The following CLEC12A variants were observed in gnomAD, a reference collection of about 807,000 sequenced individuals.
The protein encoded by CLEC12A is C-type lectin domain family 12 member A.
Under a neutral mutation model 26.5 loss-of-function variants are expected in CLEC12A, and 22 were observed. That is an observed-to-expected ratio of 0.83 (90% CI 0.59 to 1.19). The LOEUF (loss-of-function observed/expected upper bound fraction) is 1.19. Among genes scored for constraint, CLEC12A ranks in the 50% most tolerant of loss-of-function variants. The probability of loss-of-function intolerance (pLI) is 0.00; values close to 1 mark genes in which losing one functional copy is unlikely to be tolerated. For missense variants in CLEC12A, 353 were observed against 315.6 expected (o/e 1.12, Z -0.90); for synonymous variants, 119 against 101.9 (o/e 1.17, Z -1.01).
chr12:9,961,741 C>T (rs929269613), intron 1 of CLEC12A, among the ~76,000 whole-genome samples: 5 of 151,636 alleles, frequency 3.3e-5, no homozygotes, highest in African/African-American at 1.2e-4. Flanking sequence ...ATGAGACAAC[C>T]TAAAAAAAAA....
downstream of CLEC12A, among the ~76,000 whole-genome samples, chr12:9,987,544 A>G (rs1346793445): frequency 2.0e-5 from 3 of 152,216 alleles, no homozygotes; most frequent in African/African-American, 7.2e-5. Context: ...ACTAGTTCCC[A>G]TTCAGCATGT....
At chr12:10,006,131 G>A in the CLEC12A span, among the ~76,000 whole-genome samples, 1 of 152,216 alleles carries the variant, frequency 6.6e-6, no homozygotes, top group Non-Finnish European at 1.5e-5. Context: ...TCATGTGAGA[G>A]CAGCAAGAAT....
rs150418559 is a variant in CLEC12A at position 9,956,182 on chromosome 12, C to G, written c.10+4826C>G. On this transcript the variant is annotated intron_variant, in intron 1 of 6. Coordinates refer to the CLEC12A transcript ENST00000355690. ...ATTTTAAGAAAACCTTGTTCTAACC[C>G]AGGGGACTAATCTATATCTCTCTCC... is the stretch of plus-strand genomic sequence containing the variant. Among the ~76,000 whole-genome samples, 386 of 152,296 alleles carry G rather than the reference C, an allele frequency of 2.5e-3. 1 individual carries two copies. Among genetic ancestry groups the G allele is most frequent in the African/African-American group, 9.0e-3 (375 of 41,552 alleles).
intron 4 of CLEC12A, chr12:9,994,884 T>G: frequency 1.8e-5 from 14 of 790,180 alleles, no homozygotes; most frequent in Non-Finnish European, 2.2e-5. Flanking sequence ...CAGTGTTCCA[T>G]GGTAAGGTTG....
Position 9,965,172 on chromosome 12 carries a change from G to A in CLEC12A, c.11-6405G>A, listed in dbSNP as rs532424497. On this transcript the variant is annotated intron_variant, in intron 1 of 6. Transcript: ENST00000355690. ...GCAGCCACTGCATGCAGACATGAGG[G>A]CTAGGCTAAAATGGTAAGGTCAAGT... 6.6e-5 allele frequency among the ~76,000 whole-genome samples: 10 copies of A among 152,244 alleles called. No homozygotes were observed. In the East Asian group the frequency reaches 1.9e-3, roughly 29 times the overall value.
In CLEC12A at chr12:9,951,433, CA is replaced by C. The variant is rs1863607281; in HGVS notation, c.10+79del. Reference sequence around the variant, plus strand: ...GAAATTCTGAAGGAATTTCCATTGGCAAGTTCAGCAAGGCCAACTGACGGAG... The same window carrying C: ...GAAATTCTGAAGGAATTTCCATTGGCAGTTCAGCAAGGCCAACTGACGGAG... On this transcript the variant is annotated intron_variant, in intron 1 of 6. Transcript: ENST00000355690. 5.7e-6 allele frequency: 4 copies of C among 701,516 alleles called. No homozygotes were observed. In the African/African-American group the frequency reaches 7.0e-5, roughly 12 times the overall value. The allele number at this position is 701,516 out of a possible 1,614,324, so 43.5% of individuals were successfully genotyped here. A position where few individuals can be genotyped will look rare whatever the true frequency, so the allele number is the denominator to read the frequency against.
chr12:10,003,901 G>A, the CLEC12A span, among the ~76,000 whole-genome samples: 1 of 152,142 alleles, frequency 6.6e-6, no homozygotes, highest in East Asian at 1.9e-4. Flanking sequence ...GGGTGACAGA[G>A]CCAGACCATC....
At chr12:9,979,246 C>A in intron 2 of CLEC12A, 90 bp from the exon 3 acceptor site, 3 of 1,095,584 alleles carry the variant, frequency 2.7e-6, no homozygotes, top group South Asian at 1.4e-5. Flanking sequence ...CTTTCCCTAC[C>A]CCTTTAATCT....
chr12:9,968,309 G>T (rs1864014182), upstream of CLEC12A, among the ~76,000 whole-genome samples: 1 of 152,208 alleles, frequency 6.6e-6, no homozygotes, highest in African/African-American at 2.4e-5. Context: ...AACAGGCTTT[G>T]TGTGAGCAAC....
At chr12:9,989,646 TG>T (rs2137221911), downstream of CLEC12A, among the ~76,000 whole-genome samples, 1 of 152,294 alleles carries the variant, frequency 6.6e-6, no homozygotes, top group East Asian at 1.9e-4. Flanking sequence ...AACATAAAAA[TG>T]AAAGATGAAG....
chr12:9,990,773 A>G (rs1864873639), intron 4 of CLEC12A, among the ~76,000 whole-genome samples: 2 of 152,220 alleles, frequency 1.3e-5, no homozygotes, highest in African/African-American at 4.8e-5. Context: ...TAAAAATTTC[A>G]TAAAAGGAAG....
chr12:9,952,374 G>T (rs1359306131), intron 1 of CLEC12A, among the ~76,000 whole-genome samples: 2 of 150,750 alleles, frequency 1.3e-5, no homozygotes, highest in Non-Finnish European at 3.0e-5. Flanking sequence ...ACGGGGTTTC[G>T]CTGTGTTGGC....
Position 9,985,494 on chromosome 12 carries a change from T to C in CLEC12A, c.*468T>C, listed in dbSNP as rs1232924343. The C allele has an allele frequency of 5.0e-6, 2 of 398,842 alleles. No individual in the cohort carries two copies. The highest frequency in any genetic ancestry group is 8.8e-6 in the Non-Finnish European group (2 of 226,228). The allele number at this position is 398,842 out of a possible 1,614,324, so 24.7% of individuals were successfully genotyped here. On this transcript the variant is annotated 3_prime_UTR_variant, in exon 6 of 6. Transcript: ENST00000304361. ...TATGAGTCAAAGGACTTATAGCCAA[T>C]TGATTGTTCTAGGCCAGGTAAGAAT...
Position 9,980,743 on chromosome 12 carries a change from A to G in CLEC12A, c.531+10A>G. ...CAACAAAAATGCATTGGTAAAGCCC[A>G]GGTGTTTCTACCATCATGGGATAGA... On this transcript the variant is annotated intron_variant, in intron 4 of 5. Coordinates refer to ENST00000304361, the MANE Select transcript of CLEC12A (RefSeq NM_138337.6). 6.2e-7 allele frequency: 1 copy of G among 1,612,758 alleles called. No homozygotes were observed. Among genetic ancestry groups the G allele is most frequent in the East Asian group, 2.2e-5 (1 of 44,836 alleles).
At chr12:9,998,089 T>C (rs928401035), downstream of CLEC12A, among the ~76,000 whole-genome samples, 8 of 152,200 alleles carry the variant, frequency 5.3e-5, no homozygotes, top group African/African-American at 1.9e-4. Context: ...AGTTAAAATC[T>C]TAAAATCTTA....
At chr12:9,993,736 AT>A (rs1169588421) in intron 4 of CLEC12A, among the ~76,000 whole-genome samples, 1 of 152,144 alleles carries the variant, frequency 6.6e-6, no homozygotes, top group Non-Finnish European at 1.5e-5. Flanking sequence ...TAGTTTTGAA[AT>A]CAGGATTTAT....
the CLEC12A span, among the ~76,000 whole-genome samples, chr12:10,002,738 G>C: frequency 6.6e-6 from 1 of 152,062 alleles, no homozygotes; most frequent in Non-Finnish European, 1.5e-5. Flanking sequence ...CACCGCACCC[G>C]GCAATTTGAG....
the CLEC12A span, among the ~76,000 whole-genome samples, chr12:10,002,439 TG>T: frequency 2.2e-3 from 65 of 30,096 alleles, 2 homozygotes; most frequent in East Asian, 9.4e-3. Context: ...AGTTGGGTAA[TG>T]TTTTTTTTTT....
chr12:10,004,141 C>T, the CLEC12A span, among the ~76,000 whole-genome samples: 1 of 152,116 alleles, frequency 6.6e-6, no homozygotes, highest in East Asian at 1.9e-4. Context: ...GCACTTTGGG[C>T]TGTGGCCCCA....
Sources: allele counts gnomAD v4.1 joint callset (sites outside exome capture counted in the v4.1 genomes callset), GRCh38; gene constraint gnomAD v4.1.1; transcripts MANE v1.5; gene names NCBI Gene and HGNC (gene_info 2026-07-23, HGNC 2026-07-21).